Variants in CHEK2 observed in about 807,000 individuals in gnomAD.
CHEK2 encodes serine/threonine-protein kinase Chk2.
Under a neutral mutation model 69.1 loss-of-function variants are expected in CHEK2, and 71 were observed. The ratio of observed to expected loss-of-function variants is 1.03; its 90% CI spans 0.85 to 1.25. CHEK2 has a LOEUF of 1.25. CHEK2 is among the 50% of genes most tolerant of loss of function. The probability of loss-of-function intolerance (pLI) is 0.00; values close to 1 mark genes in which losing one functional copy is unlikely to be tolerated. For missense variants in CHEK2, 664 were observed against 649.6 expected (o/e 1.02, Z -0.24); for synonymous variants, 189 against 226.9 (o/e 0.83, Z 1.50).
intron 4 of CHEK2, among the ~76,000 whole-genome samples, chr22:28,722,539 CAAAAAAAA>C (rs755107963): frequency 2.9e-5 from 2 of 67,928 alleles, no homozygotes; most frequent in African/African-American, 1.1e-4. Context: ...GACTCCGTCT[CAAAAAAAA>C]AAAAAAAAAA....
intron 4 of CHEK2, among the ~76,000 whole-genome samples, chr22:28,722,936 T>C (rs540122161): frequency 1.3e-5 from 2 of 152,224 alleles, no homozygotes; most frequent in East Asian, 3.9e-4. Flanking sequence ...ATATGAACCT[T>C]TATTTTCAAA....
Position 28,734,438 on chromosome 22 carries a change from C to T in CHEK2, c.284G>A (p.Arg95Gln), listed in dbSNP as rs750596499. ...PEEPTPAPWARLWALQDGFAN... is the reference protein window; with the variant it reads ...PEEPTPAPWAQLWALQDGFAN... ...AAATCCATCCTGAAGGGCCCATAAT[C>T]GAGCCCAGGGGGCAGGGGTAGGCTC... Residue 95 changes from arginine (R) to glutamine (Q), a missense_variant, in exon 2 of 15, where the codon CGA becomes CAA. By Grantham distance (43) the Arg-to-Gln change is conservative. Coordinates refer to ENST00000404276, the MANE Select transcript of CHEK2 (RefSeq NM_007194.4). The T allele has an allele frequency of 1.8e-5, 29 of 1,613,914 alleles. No individual in the cohort carries two copies. Among genetic ancestry groups the T allele is most frequent in the East Asian group, 2.2e-5 (1 of 44,896 alleles).
In CHEK2 at chr22:28,725,364, C is replaced by T. The variant is rs1555927408; in HGVS notation, c.323G>A (p.Cys108Tyr). The T allele has an allele frequency of 6.2e-7, 1 of 1,614,078 alleles. No individual in the cohort carries two copies. Among genetic ancestry groups the T allele is most frequent in the Non-Finnish European group, 8.5e-7 (1 of 1,180,020 alleles). Residue 108 changes from cysteine to tyrosine, a missense_variant, in exon 3 of 15, where the codon TGT (cysteine) becomes TAT (tyrosine). Physicochemically the swap from Cys to Tyr is radical, Grantham distance 194. Coordinates refer to ENST00000404276, the MANE Select transcript of CHEK2 (RefSeq NM_007194.4). Reference protein sequence around the residue: ...ALQDGFANLECVNDNYWFGRD... With the variant: ...ALQDGFANLEYVNDNYWFGRD... ...CCCAAACCAGTAGTTGTCATTCACA[C>T]ATTCTGTAATATAAAAGCATGCATC... is the stretch of plus-strand genomic sequence containing the variant.
Position 28,689,317 on chromosome 22 carries a change from C to T in CHEK2, c.1462-102G>A, listed in dbSNP as rs2052255555. ...CTGTGGAAAGAGGGAGGAAAAATGT[C>T]CGTCCAAGAATCATCCCCTTGATGA... On this transcript the variant is annotated intron_variant, in intron 13 of 14. Transcript: ENST00000404276. 4 of 871,456 alleles carry T rather than the reference C, an allele frequency of 4.6e-6. No homozygotes were observed. In the Middle Eastern group the frequency reaches 1.0e-3, roughly 220 times the overall value. 54.0% of individuals were successfully genotyped at this position (871,456 alleles called of 1,614,324 possible).
intron 7 of CHEK2, among the ~76,000 whole-genome samples, chr22:28,704,981 T>C (rs1044207374): frequency 2.6e-5 from 4 of 151,720 alleles, no homozygotes; most frequent in African/African-American, 4.8e-5. Flanking sequence ...TAATGCTGAA[T>C]GAAAAAGCCA....
rs180978510 is a variant in CHEK2, at chr22:28,730,065, G to A, written c.319+4338C>T. 3.4e-3 allele frequency among the ~76,000 whole-genome samples: 505 copies of A among 150,080 alleles called. 1 individual carries two copies. The highest frequency in any genetic ancestry group is 0.012 in the African/African-American group (480 of 40,752). ...TCACCATGTTGGCCAGGATGGTCTC[G>A]ATCTCCTGACCTTGTGATCCGCCCA... On this transcript the variant is annotated intron_variant, in intron 2 of 14. Coordinates refer to ENST00000404276, the MANE Select transcript of CHEK2 (RefSeq NM_007194.4).
chr22:28,710,036 T>C lies in CHEK2; in HGVS notation c.816A>G (p.Thr272=), dbSNP rs2145933502. 6.4e-7 allele frequency: 1 copy of C among 1,555,906 alleles called. No homozygotes were observed. Among genetic ancestry groups the C allele is most frequent in the Non-Finnish European group, 8.9e-7 (1 of 1,129,180 alleles). Residue 272 remains threonine (T), a synonymous_variant, in exon 7 of 15, where the codon ACA becomes ACG. Coordinates refer to ENST00000404276, the MANE Select transcript of CHEK2 (RefSeq NM_007194.4). ...READPALNVE[T]EIEILKKLNH... ...TTAGCTTTTTCAAAATTTCTATTTC[T>C]GTTTCAACATTGAGAGCTGGGTCCT... is the stretch of plus-strand genomic sequence containing the variant.
At chr22:28,699,366 T>C (rs1013730011) in intron 9 of CHEK2, among the ~76,000 whole-genome samples, 1 of 136,560 alleles carries the variant, frequency 7.3e-6, no homozygotes, top group East Asian at 2.1e-4. Flanking sequence ...CTTTTTCTTT[T>C]TTTTTTTTTT....
At chr22:28,732,692 GGTGA>G (rs2054255438) in intron 2 of CHEK2, among the ~76,000 whole-genome samples, 3 of 152,094 alleles carry the variant, frequency 2.0e-5, no homozygotes, top group Admixed American at 2.0e-4. Flanking sequence ...AAACAAGGAT[GGTGA>G]GTGACAAAAC....
At chr22:28,736,764 A>ACCCCCCC (rs17881006) in intron 1 of CHEK2, among the ~76,000 whole-genome samples, 39 of 138,168 alleles carry the variant, frequency 2.8e-4, no homozygotes, top group Non-Finnish European at 3.4e-4. Flanking sequence ...ACATAGTGGG[A>ACCCCCCC]CCCCCCCCGC....
rs1060502699 is a variant in CHEK2 at position 28,695,241 on chromosome 22, G to A, written c.1261C>T (p.Leu421Phe). 1 of 1,548,186 alleles carries A rather than the reference G, an allele frequency of 6.5e-7. No individual in the cohort carries two copies. The highest frequency in any genetic ancestry group is 1.1e-5 in the South Asian group (1 of 89,754). ...TCAGAGAAAGGTGGATACCCACTAAGGCTTAATATTGGTAGAGAGAGAAAG... is the reference window on the plus strand; with the variant it reads ...TCAGAGAAAGGTGGATACCCACTAAAGCTTAATATTGGTAGAGAGAGAAAG... Reference protein sequence around the residue: ...WSLGVILFICLSGYPPFSEHR... With the variant: ...WSLGVILFICFSGYPPFSEHR... The change falls in exon 12 of 15, where the codon CTT (leucine) becomes TTT (phenylalanine). Residue 421 changes from leucine (L) to phenylalanine (F), a missense_variant and splice_region_variant. Leu to Phe is a conservative substitution (Grantham distance 22, BLOSUM62 0). Transcript: ENST00000404276.
intron 9 of CHEK2, 148 bp downstream of exon 9, chr22:28,699,690 G>T: frequency 1.4e-6 from 1 of 705,676 alleles, no homozygotes; most frequent in Non-Finnish European, 2.6e-6. Context: ...TCAGTGAAAG[G>T]AGTAGGACAT....
intron 4 of CHEK2, chr22:28,724,528 C>T (rs1009420963): frequency 5.2e-5 from 13 of 250,960 alleles, no homozygotes; most frequent in Non-Finnish European, 8.7e-5. Flanking sequence ...TACAATGCAA[C>T]TAGGACGGCA....
chr22:28,721,273 T>C (rs1403763756), intron 4 of CHEK2, among the ~76,000 whole-genome samples: 1 of 149,946 alleles, frequency 6.7e-6, no homozygotes, highest in South Asian at 2.1e-4. Flanking sequence ...TGTTTGTTGT[T>C]TGTTTGGGTT....
intron 13 of CHEK2, among the ~76,000 whole-genome samples, chr22:28,693,772 T>A (rs2052453552): frequency 6.6e-6 from 1 of 151,848 alleles, no homozygotes; most frequent in East Asian, 1.9e-4. Context: ...GGCAGGAGAA[T>A]CACTTGAACC....
intron 4 of CHEK2, among the ~76,000 whole-genome samples, chr22:28,720,763 T>A (rs1326313906): frequency 1.3e-5 from 2 of 152,238 alleles, no homozygotes; most frequent in African/African-American, 4.8e-5. Flanking sequence ...TCTATGCTTG[T>A]AGCTATTCAT....
In CHEK2 at chr22:28,719,413, A is replaced by C; in HGVS notation, c.665T>G (p.Met222Arg). Residue 222 changes from methionine to arginine, a missense_variant, in exon 5 of 15, where the codon ATG (methionine) becomes AGG (arginine). By Grantham distance (91) the Met-to-Arg change is moderately conservative. Transcript: ENST00000404276. The part of the protein sequence containing the change: ...YPKALRDEYI[M>R]SKTLGSGACG... ...AATTTACCTTCCAAGAGTTTTTGACATGATGTATTCATCTCTTAATGCCTT... is the reference window on the plus strand; with the variant it reads ...AATTTACCTTCCAAGAGTTTTTGACCTGATGTATTCATCTCTTAATGCCTT... The C allele has an allele frequency of 6.3e-7, 1 of 1,588,552 alleles. No homozygotes were observed. Among genetic ancestry groups the C allele is most frequent in the Non-Finnish European group, 8.6e-7 (1 of 1,165,054 alleles).
chr22:28,690,100 C>T (rs1009148688), intron 13 of CHEK2, among the ~76,000 whole-genome samples: 2 of 152,188 alleles, frequency 1.3e-5, no homozygotes, highest in African/African-American at 4.8e-5. Flanking sequence ...CACCCAACTC[C>T]AGCCCCTCCT....
At position 28,699,630 on chromosome 22, in the gene CHEK2, G is replaced by A. The variant is rs1384421794; in HGVS notation, c.1008+208C>T. The A allele has an allele frequency of 2.7e-5, 15 of 560,000 alleles. 1 individual carries two copies. The highest frequency in any genetic ancestry group is 4.8e-5 in the Non-Finnish European group (15 of 313,396). 34.7% of individuals were successfully genotyped at this position (560,000 alleles called of 1,614,324 possible). On this transcript the variant is annotated intron_variant, in intron 9 of 14. Transcript: ENST00000404276. Reference sequence around the variant, plus strand: ...CGCCCGCTTGGCCTCCCAAAATGCTGGGATTATGGGCATGAACCACCGCGC... The same window carrying A: ...CGCCCGCTTGGCCTCCCAAAATGCTAGGATTATGGGCATGAACCACCGCGC...
Sources: gnomAD v4.1 joint callset for allele counts (sites outside exome capture counted in the v4.1 genomes callset) on GRCh38, gnomAD v4.1.1 for gene constraint, MANE v1.5 for transcripts, NCBI Gene and HGNC (gene_info 2026-07-23, HGNC 2026-07-21) for gene names.